Variants in GABRA4 observed in about 807,000 individuals in gnomAD.
The protein encoded by GABRA4 is gamma-aminobutyric acid receptor subunit alpha-4.
GABRA4 carries 12 observed loss-of-function variants against 49.7 expected under a neutral mutation model. The observed-to-expected ratio is 0.24, with a 90% CI of 0.15 to 0.39. GABRA4 has a LOEUF of 0.39. Among genes scored for constraint, GABRA4 ranks in the 10% least tolerant of loss-of-function variants. The pLI is 1.00. For synonymous variants in GABRA4, 288 were observed against 240.2 expected (o/e 1.20, Z -1.84); for missense variants, 506 against 686.0 (o/e 0.74, Z 2.93).
intron 2 of GABRA4, among the ~76,000 whole-genome samples, 172 bp from the exon 3 acceptor site, chr4:46,979,270 C>T (rs1723265363): frequency 6.6e-6 from 1 of 152,074 alleles, no homozygotes; most frequent in Non-Finnish European, 1.5e-5. Context: ...CAAAGCGCAA[C>T]AAGACCAGAA....
rs1472946894 is a variant in GABRA4, at chr4:46,925,986, T to G, written c.*2239A>C. The G allele has an allele frequency of 6.6e-6, 1 of 151,044 alleles. No individual in the cohort carries two copies. The highest frequency in any genetic ancestry group is 1.5e-5 in the Non-Finnish European group (1 of 67,620). 9.4% of individuals were successfully genotyped at this position (151,044 alleles called of 1,614,324 possible). A position where few individuals can be genotyped will look rare whatever the true frequency, so the allele number is the denominator to read the frequency against. On this transcript the variant is annotated 3_prime_UTR_variant, in exon 9 of 9. Coordinates refer to ENST00000264318, the MANE Select transcript of GABRA4 (RefSeq NM_000809.4). The stretch of plus-strand genomic sequence containing the variant: ...CTCTGTAAGATTTGTAGAAGAACAC[T>G]TTTTTTTAAAGGAAGCCAATGAATA...
intron 2 of GABRA4, among the ~76,000 whole-genome samples, chr4:46,983,669 T>C (rs1723435424): frequency 6.6e-6 from 1 of 152,098 alleles, no homozygotes; most frequent in African/African-American, 2.4e-5. Flanking sequence ...ATGGTCACTA[T>C]GTAATTAAGA....
chr4:46,949,773 A>G (rs893933779), intron 8 of GABRA4, among the ~76,000 whole-genome samples: 1 of 152,162 alleles, frequency 6.6e-6, no homozygotes, highest in Non-Finnish European at 1.5e-5. Flanking sequence ...TGAAATATGA[A>G]TGCAATTCAT....
chr4:46,959,880 C>G (rs932856323), intron 8 of GABRA4, among the ~76,000 whole-genome samples: 14 of 146,900 alleles, frequency 9.5e-5, no homozygotes, highest in African/African-American at 3.0e-4. Context: ...GTCTCCAAAA[C>G]TGGAATACGT....
chr4:46,993,525 GCACACTCGCGCT>G lies in GABRA4; in HGVS notation c.-113_-102del, dbSNP rs1336057941. The G allele has an allele frequency of 4.8e-6, 6 of 1,237,778 alleles. No homozygotes were observed. Among genetic ancestry groups the G allele is most frequent in the South Asian group, 2.6e-5 (2 of 78,380 alleles). 76.7% of individuals were successfully genotyped at this position (1,237,778 alleles called of 1,614,324 possible). A position where few individuals can be genotyped will look rare whatever the true frequency, so the allele number is the denominator to read the frequency against. On this transcript the variant is annotated 5_prime_UTR_variant, in exon 1 of 9. Transcript: ENST00000264318. The stretch of plus-strand genomic sequence containing the variant: ...GGGCAGAGAGGCTCCCGCGGCGTGC[GCACACTCGCGCT>G]CACACTCGCCCGCGCTCAGCCAGCC...
At position 46,926,754 on chromosome 4, in the gene GABRA4, G is replaced by C. The variant is rs1322111477; in HGVS notation, c.*1471C>G. 9 of 151,866 alleles carry C rather than the reference G, an allele frequency of 5.9e-5. No individual in the cohort carries two copies. Among genetic ancestry groups the C allele is most frequent in the Non-Finnish European group, 1.3e-4 (9 of 67,900 alleles). The allele number at this position is 151,866 out of a possible 1,614,324, so 9.4% of individuals were successfully genotyped here. A position where few individuals can be genotyped will look rare whatever the true frequency, so the allele number is the denominator to read the frequency against. ...ATACTTAGATTCAGCTGCATAGACA[G>C]TTGCAAAATTCTCAAGTAAGTTGTT... On this transcript the variant is annotated 3_prime_UTR_variant, in exon 9 of 9. Coordinates refer to ENST00000264318, the MANE Select transcript of GABRA4 (RefSeq NM_000809.4).
intron 2 of GABRA4, among the ~76,000 whole-genome samples, chr4:46,979,865 A>G (rs571236161): frequency 6.6e-6 from 1 of 152,246 alleles, no homozygotes; most frequent in South Asian, 2.1e-4. Flanking sequence ...TCCCGTATCT[A>G]AATAAGACTA....
At chr4:46,966,200 T>C (rs887645829) in intron 7 of GABRA4, among the ~76,000 whole-genome samples, 1 of 151,782 alleles carries the variant, frequency 6.6e-6, no homozygotes, top group South Asian at 2.1e-4. Context: ...CTGGAAATTT[T>C]TGTGAGGATT....
At chr4:46,992,664 G>A in intron 2 of GABRA4, 164 bp downstream of exon 2, 2 of 623,246 alleles carry the variant, frequency 3.2e-6, no homozygotes, top group Non-Finnish European at 5.8e-6. Context: ...ACGGGTGGAG[G>A]CGGTCTTCTT....
chr4:46,966,336 A>G (rs1019933558), intron 7 of GABRA4, among the ~76,000 whole-genome samples: 5 of 151,724 alleles, frequency 3.3e-5, no homozygotes, highest in Admixed American at 2.0e-4. Flanking sequence ...TTTAAACTGC[A>G]TATTGTAATC....
At chr4:46,968,476 GAAGACAGACTGACTGAGTTGTCA>G (rs1179957552) in intron 7 of GABRA4, among the ~76,000 whole-genome samples, 1 of 151,480 alleles carries the variant, frequency 6.6e-6, no homozygotes. Context: ...CACCTCCTGT[GAAGACAGACTGACTGAGTTGTCA>G]AAGTTAGACA....
intron 5 of GABRA4, 55 bp from the exon 6 acceptor site, chr4:46,974,430 A>T: frequency 6.6e-7 from 1 of 1,507,218 alleles, no homozygotes. Context: ...CATCCACATC[A>T]GTGGTCAACA....
chr4:46,935,515 AGACAATATTATAC>A (rs1480929418), intron 8 of GABRA4, among the ~76,000 whole-genome samples: 24 of 152,218 alleles, frequency 1.6e-4, no homozygotes, highest in Admixed American at 1.5e-3. Context: ...AAATTTTAGA[AGACAATATTATAC>A]GTCTATGAAA....
chr4:46,978,964 A>T, intron 3 of GABRA4, 67 bp downstream of exon 3: 2 of 991,402 alleles, frequency 2.0e-6, no homozygotes, highest in Non-Finnish European at 3.2e-6. Flanking sequence ...AATAAATATT[A>T]ATTGCCCTCT....
chr4:46,990,478 A>G (rs904538127), intron 2 of GABRA4, among the ~76,000 whole-genome samples: 1 of 152,176 alleles, frequency 6.6e-6, no homozygotes, highest in Non-Finnish European at 1.5e-5. Flanking sequence ...AGCTGGGCAC[A>G]TCTTATTTTA....
At chr4:46,945,890 G>A (rs2109352621) in intron 8 of GABRA4, among the ~76,000 whole-genome samples, 1 of 152,158 alleles carries the variant, frequency 6.6e-6, no homozygotes, top group South Asian at 2.1e-4. Flanking sequence ...GTAAATAAAT[G>A]CCTCACCTTT....
chr4:46,953,703 C>T (rs369746722), intron 8 of GABRA4, among the ~76,000 whole-genome samples: 5 of 152,106 alleles, frequency 3.3e-5, no homozygotes, highest in Non-Finnish European at 5.9e-5. Flanking sequence ...CCGCTTTCTA[C>T]GTAAACCAAA....
intron 5 of GABRA4, among the ~76,000 whole-genome samples, chr4:46,976,386 T>C (rs972715840): frequency 6.1e-5 from 8 of 130,720 alleles, no homozygotes; most frequent in African/African-American, 2.2e-4. Context: ...AAAGCGGAAG[T>C]GGAACTGTAA....
intron 1 of GABRA4, 112 bp from the exon 2 acceptor site, chr4:46,993,058 A>T: frequency 2.4e-6 from 2 of 844,996 alleles, no homozygotes; most frequent in Non-Finnish European, 1.9e-6. Context: ...GCCCCAAGCT[A>T]AAGGAGAGGA....
Sources: allele counts gnomAD v4.1 joint callset (sites outside exome capture counted in the v4.1 genomes callset), GRCh38; gene constraint gnomAD v4.1.1; transcripts MANE v1.5; gene names NCBI Gene and HGNC (gene_info 2026-07-23, HGNC 2026-07-21).